Variants in SNX29 observed in about 807,000 individuals in gnomAD.
The protein encoded by SNX29 is sorting nexin-29.
Under a neutral mutation model 102.1 loss-of-function variants are expected in SNX29, and 78 were observed. That is an observed-to-expected ratio of 0.76 (90% confidence interval 0.64 to 0.92). SNX29 has a LOEUF of 0.92. Ranked by LOEUF, SNX29 falls within the 40% of genes least tolerant of loss-of-function variation. SNX29 has a pLI of 0.00. For synonymous variants in SNX29, 580 were observed against 414.5 expected, an observed-to-expected ratio of 1.40 and a Z score of -4.85; for missense variants, 1,280 against 1,061.7, an observed-to-expected ratio of 1.21 and a Z score of -2.86.
intron 20 of SNX29, among the ~76,000 whole-genome samples, chr16:12,546,027 C>G (rs1297306356): frequency 1.3e-5 from 2 of 152,166 alleles, no homozygotes; most frequent in Non-Finnish European, 2.9e-5. Context: ...CAAAAAAACC[C>G]ACACCCTTGA....
At chr16:12,191,840 G>T (rs947876540) in intron 13 of SNX29, among the ~76,000 whole-genome samples, 1 of 152,214 alleles carries the variant, frequency 6.6e-6, no homozygotes, top group African/African-American at 2.4e-5. Flanking sequence ...TGCCTATTCT[G>T]GGGGAGTCCT....
At chr16:11,994,414 G>T (rs182629329) in intron 1 of SNX29, among the ~76,000 whole-genome samples, 2 of 152,202 alleles carry the variant, frequency 1.3e-5, no homozygotes, top group Non-Finnish European at 2.9e-5. Context: ...GATCGCTCCT[G>T]TGTGGCAAAG....
chr16:12,329,970 T>G (rs1481063402), intron 15 of SNX29, among the ~76,000 whole-genome samples: 1 of 152,208 alleles, frequency 6.6e-6, no homozygotes, highest in Admixed American at 6.5e-5. Flanking sequence ...TGCAGGAGCT[T>G]GGGCTGTTGC....
intron 20 of SNX29, among the ~76,000 whole-genome samples, chr16:12,557,016 C>CAA (rs1555458246): frequency 8.4e-5 from 1 of 11,914 alleles, no homozygotes; most frequent in Admixed American, 7.5e-4. Context: ...GGCTAATTTA[C>CAA]CCCCCCCCCG....
At chr16:12,563,514 G>T (rs149549916) in intron 20 of SNX29, among the ~76,000 whole-genome samples, 2 of 152,194 alleles carry the variant, frequency 1.3e-5, no homozygotes, top group Non-Finnish European at 2.9e-5. Context: ...ACTCCTCCCC[G>T]CATGTGAAAA....
intron 19 of SNX29, chr16:12,515,440 C>T (rs377156383): frequency 8.6e-6 from 4 of 464,458 alleles, no homozygotes; most frequent in East Asian, 5.2e-5. Flanking sequence ...ATCCGCAAGT[C>T]ACCCCTGAAA....
At chr16:12,536,570 GCAGAGTTCACACCTAGCA>G (rs1567668732) in intron 20 of SNX29, among the ~76,000 whole-genome samples, 1 of 152,160 alleles carries the variant, frequency 6.6e-6, no homozygotes, top group Non-Finnish European at 1.5e-5. Flanking sequence ...TCAGAAAGTT[GCAGAGTTCACACCTAGCA>G]CAGAGAACGC....
chr16:12,549,415 A>T (rs2561042), intron 20 of SNX29, among the ~76,000 whole-genome samples: 9,063 of 152,288 alleles, frequency 0.06, 452 homozygotes, highest in East Asian at 0.2. Flanking sequence ...GAATCTCTTG[A>T]ACCTGGGAGG....
rs114880541 is a variant in SNX29 at position 12,096,376 on chromosome 16, A to T, written c.1402+17461A>T. On this transcript the variant is annotated intron_variant, in intron 11 of 20. Coordinates refer to ENST00000566228, the MANE Select transcript of SNX29 (RefSeq NM_032167.5). This position sits in a 1 kb window ranked among gnomAD's most constrained non-coding sequence, Gnocchi z 4.2. ...GTGCTGGGCGCAGTTCTAGGTGCTG[A>T]GGAGCCAGAGGTGGGGATCCAGCTT... 6.6e-6 allele frequency among the ~76,000 whole-genome samples: 1 copy of T among 152,228 alleles called. No homozygotes were observed. Among genetic ancestry groups the T allele is most frequent in the South Asian group, 2.1e-4 (1 of 4,828 alleles).
intron 13 of SNX29, 41 bp from the exon 14 acceptor site, chr16:12,199,560 C>G: frequency 1.3e-6 from 2 of 1,557,204 alleles, no homozygotes; most frequent in Non-Finnish European, 1.7e-6. Context: ...CACATTGTCA[C>G]TTTTTAAATA....
intron 19 of SNX29, among the ~76,000 whole-genome samples, chr16:12,496,998 G>A (rs2088860366): frequency 6.6e-6 from 1 of 152,210 alleles, no homozygotes; most frequent in Non-Finnish European, 1.5e-5. Context: ...GAAGGGGTCC[G>A]GAGATGAGTG....
At chr16:12,531,478 G>A (rs1361855069) in intron 20 of SNX29, among the ~76,000 whole-genome samples, 4 of 152,208 alleles carry the variant, frequency 2.6e-5, no homozygotes, top group Non-Finnish European at 5.9e-5. Context: ...GGGTTTGGAA[G>A]GCCCTACCAA....
At chr16:12,528,582 A>AC (rs1567658692) in intron 20 of SNX29, among the ~76,000 whole-genome samples, 1 of 151,942 alleles carries the variant, frequency 6.6e-6, no homozygotes, top group South Asian at 2.1e-4. Context: ...TGTCCACTGA[A>AC]CCCCCATCTC....
chr16:12,477,642 T>C lies in SNX29; in HGVS notation c.2038-77T>C, dbSNP rs1319677827. On this transcript the variant is annotated intron_variant, in intron 18 of 20. Coordinates refer to ENST00000566228, the MANE Select transcript of SNX29 (RefSeq NM_032167.5). ...TGACTCTTGCTGCAGTTGGTTTTCA[T>C]GGGGAAAGCATAGCCGAAATCCTAC... 5 of 1,559,044 alleles carry C rather than the reference T, an allele frequency of 3.2e-6. No homozygotes were observed. The East Asian group carries it at 1.1e-4, about 35-fold the overall frequency.
At chr16:12,191,204 ATC>A (rs1286440285) in intron 13 of SNX29, among the ~76,000 whole-genome samples, 1 of 152,134 alleles carries the variant, frequency 6.6e-6, no homozygotes, top group African/African-American at 2.4e-5. Context: ...GCTGCTGCTG[ATC>A]TGACAGGAGA....
intron 20 of SNX29, among the ~76,000 whole-genome samples, chr16:12,549,525 T>TC (rs2077829288): frequency 1.3e-5 from 1 of 79,428 alleles, no homozygotes; most frequent in African/African-American, 8.8e-5. Context: ...TTTCATCCTC[T>TC]ATCTCAAATA....
intron 19 of SNX29, among the ~76,000 whole-genome samples, chr16:12,492,486 T>C (rs1196123874): frequency 6.6e-6 from 1 of 152,228 alleles, no homozygotes; most frequent in Non-Finnish European, 1.5e-5. Flanking sequence ...AGGTTGCCTG[T>C]TCACTCTGAT....
chr16:12,413,736 C>T (rs905494413), intron 18 of SNX29, among the ~76,000 whole-genome samples: 6 of 152,224 alleles, frequency 3.9e-5, no homozygotes, highest in Non-Finnish European at 5.9e-5. Flanking sequence ...ACGATCCTCA[C>T]GCCAGGCGCC....
At chr16:12,316,116 G>C (rs1362384155) in intron 15 of SNX29, among the ~76,000 whole-genome samples, 2 of 152,190 alleles carry the variant, frequency 1.3e-5, no homozygotes, top group Non-Finnish European at 2.9e-5. Flanking sequence ...TCTAGGAGGG[G>C]AGCATCCCAG....
Sources: gnomAD v4.1 joint callset for allele counts (sites outside exome capture counted in the v4.1 genomes callset) on GRCh38, gnomAD v4.1.1 for gene constraint, Gnocchi (gnomAD v3.1) non-coding constraint, MANE v1.5 for transcripts, NCBI Gene and HGNC (gene_info 2026-07-23, HGNC 2026-07-21) for gene names.